OSBPL8: variants seen among roughly 807,000 people sequenced by gnomAD.
OSBPL8 encodes oxysterol-binding protein-related protein 8.
OSBPL8 carries 59 observed loss-of-function variants against 125.5 expected under a neutral mutation model. That is an observed-to-expected ratio of 0.47 (90% confidence interval 0.38 to 0.58). The LOEUF is 0.58. Among genes scored for constraint, OSBPL8 ranks in the 20% least tolerant of loss-of-function variants. OSBPL8 has a pLI of 0.00. For synonymous variants in OSBPL8, 330 were observed against 338.9 expected, an observed-to-expected ratio of 0.97 and a Z score of 0.29; for missense variants, 758 against 1,047.8, an observed-to-expected ratio of 0.72 and a Z score of 3.82.
chr12:76,497,058 G>A (rs934437229), intron 1 of OSBPL8, among the ~76,000 whole-genome samples: 12 of 152,072 alleles, frequency 7.9e-5, no homozygotes, highest in African/African-American at 2.4e-4. Flanking sequence ...AAAGAGACTC[G>A]GTTATGTACA....
intron 1 of OSBPL8, among the ~76,000 whole-genome samples, chr12:76,503,508 T>C (rs972922730): frequency 6.6e-6 from 1 of 152,214 alleles, no homozygotes; most frequent in African/African-American, 2.4e-5. Flanking sequence ...ATATGCATTT[T>C]AATGGGATAC....
chr12:76,506,097 A>G (rs1403399516), intron 1 of OSBPL8, among the ~76,000 whole-genome samples: 1 of 152,242 alleles, frequency 6.6e-6, no homozygotes, highest in Non-Finnish European at 1.5e-5. Context: ...AGCCAAAAGA[A>G]TTTATTGATG....
intron 1 of OSBPL8, among the ~76,000 whole-genome samples, chr12:76,549,797 C>A (rs1393224855): frequency 4.6e-5 from 7 of 152,104 alleles, no homozygotes; most frequent in African/African-American, 1.7e-4. Context: ...GCCAAATTAT[C>A]AATCATTTGT....
rs185912961 is a variant in OSBPL8, at chr12:76,444,986, A to G, written c.217+5865T>C. On this transcript the variant is annotated intron_variant, in intron 4 of 23. Transcript: ENST00000261183. ...AAAATTTTATATTTCTCTTTTATTC[A>G]TATTATTTCCCTCAGAGATCTACTT... is the stretch of plus-strand genomic sequence containing the variant. 2.6e-5 allele frequency among the ~76,000 whole-genome samples: 4 copies of G among 152,282 alleles called. No individual in the cohort carries two copies. In the East Asian group the frequency reaches 7.7e-4, roughly 29 times the overall value.
At chr12:76,453,113 C>G (rs1212615781) in intron 3 of OSBPL8, among the ~76,000 whole-genome samples, 1 of 151,602 alleles carries the variant, frequency 6.6e-6, no homozygotes, top group African/African-American at 2.4e-5. Flanking sequence ...TAGTTTATTG[C>G]TTTTCTTCCT....
intron 12 of OSBPL8, 109 bp from the exon 13 acceptor site, chr12:76,386,769 T>G: frequency 1.5e-6 from 1 of 677,984 alleles, no homozygotes; most frequent in Non-Finnish European, 2.5e-6. Context: ...ACATAATTCT[T>G]ATTTTAAATG....
At chr12:76,455,191 C>T (rs982918316) in intron 3 of OSBPL8, among the ~76,000 whole-genome samples, 8 of 151,494 alleles carry the variant, frequency 5.3e-5, no homozygotes, top group East Asian at 3.9e-4. Context: ...TGCAGTGAGC[C>T]GAGATTGCAC....
intron 21 of OSBPL8, among the ~76,000 whole-genome samples, chr12:76,364,241 GA>G (rs1952319876): frequency 1.3e-5 from 2 of 152,134 alleles, no homozygotes; most frequent in South Asian, 4.1e-4. Context: ...CAAAGACTTG[GA>G]ACCAACCCAA....
intron 1 of OSBPL8, among the ~76,000 whole-genome samples, chr12:76,493,545 T>C (rs1878959419): frequency 6.6e-6 from 1 of 152,208 alleles, no homozygotes; most frequent in African/African-American, 2.4e-5. Flanking sequence ...AATAAATATA[T>C]TATTCTATTC....
intron 4 of OSBPL8, among the ~76,000 whole-genome samples, chr12:76,433,472 G>T (rs1276090121): frequency 6.6e-6 from 1 of 151,468 alleles, no homozygotes; most frequent in Non-Finnish European, 1.5e-5. Context: ...CAAAAAAAAA[G>T]AATACTTAGA....
At chr12:76,370,498 A>G (rs1952579187) in intron 19 of OSBPL8, among the ~76,000 whole-genome samples, 2 of 152,182 alleles carry the variant, frequency 1.3e-5, no homozygotes, top group South Asian at 4.1e-4. Context: ...TTGGGATCAG[A>G]TAGACATGAG....
intron 1 of OSBPL8, among the ~76,000 whole-genome samples, chr12:76,521,223 T>C (rs994030398): frequency 6.6e-6 from 1 of 152,180 alleles, no homozygotes; most frequent in African/African-American, 2.4e-5. Flanking sequence ...CAATTCCTAA[T>C]TATGCAAACA....
chr12:76,484,235 A>C (rs115498638), intron 2 of OSBPL8, among the ~76,000 whole-genome samples: 1,597 of 152,258 alleles, frequency 0.01, 40 homozygotes, highest in African/African-American at 0.037. Context: ...AATTAATTCC[A>C]TATTTAGCCT....
intron 4 of OSBPL8, among the ~76,000 whole-genome samples, chr12:76,438,281 C>T (rs1053406170): frequency 2.7e-5 from 4 of 150,646 alleles, no homozygotes; most frequent in African/African-American, 9.8e-5. Flanking sequence ...CCACTGCGCC[C>T]AGCCCAGTAA....
At chr12:76,536,817 A>G (rs1449146184) in intron 1 of OSBPL8, among the ~76,000 whole-genome samples, 3 of 61,910 alleles carry the variant, frequency 4.8e-5, no homozygotes, top group African/African-American at 2.8e-4. Context: ...TAGGAGTATC[A>G]AAAAAAAAAA....
At chr12:76,514,208 G>A (rs1350134032) in intron 1 of OSBPL8, among the ~76,000 whole-genome samples, 3 of 151,934 alleles carry the variant, frequency 2.0e-5, no homozygotes, top group African/African-American at 4.8e-5. Context: ...GCAGTGGCGC[G>A]ATCTCAGCTC....
intron 21 of OSBPL8, among the ~76,000 whole-genome samples, chr12:76,367,873 T>C (rs576333379): frequency 9.2e-5 from 14 of 152,394 alleles, no homozygotes; most frequent in Non-Finnish European, 2.1e-4. Flanking sequence ...TAATGAACTA[T>C]ATCTTTACAC....
At chr12:76,434,071 A>T (rs901754379) in intron 4 of OSBPL8, among the ~76,000 whole-genome samples, 1 of 152,100 alleles carries the variant, frequency 6.6e-6, no homozygotes, top group Non-Finnish European at 1.5e-5. Flanking sequence ...GAAAGAACAA[A>T]GCTGGAGGTA....
intron 3 of OSBPL8, among the ~76,000 whole-genome samples, chr12:76,458,781 G>A (rs1038171308): frequency 6.6e-6 from 1 of 151,822 alleles, no homozygotes; most frequent in Non-Finnish European, 1.5e-5. Flanking sequence ...ACCAGTTAGA[G>A]ATAAACAGCA....
Sources: gnomAD v4.1 joint callset for allele counts (sites outside exome capture counted in the v4.1 genomes callset) on GRCh38, gnomAD v4.1.1 for gene constraint, MANE v1.5 for transcripts, NCBI Gene and HGNC (gene_info 2026-07-23, HGNC 2026-07-21) for gene names.